Variants in DAB1 observed in about 807,000 individuals in gnomAD.
DAB1 encodes DAB adaptor protein 1.
DAB1 carries 15 observed loss-of-function variants against 64.6 expected under a neutral mutation model. That is an observed-to-expected ratio of 0.23 (90% CI 0.16 to 0.36). DAB1 has a LOEUF of 0.36. DAB1 is among the 10% of genes least tolerant of loss of function. DAB1 has a pLI of 1.00. For missense variants in DAB1, 596 were observed against 706.7 expected (o/e 0.84, Z 1.78); for synonymous variants, 235 against 251.9 (o/e 0.93, Z 0.64).
chr1:57,577,752 C>T (rs1336001048), intron 7 of DAB1, among the ~76,000 whole-genome samples: 1 of 152,178 alleles, frequency 6.6e-6, no homozygotes, highest in Non-Finnish European at 1.5e-5. Context: ...TGAGGGCAGA[C>T]TCTGGATTGT....
At chr1:58,297,325 T>A (rs894533893) in intron 4 of DAB1, among the ~76,000 whole-genome samples, 1 of 152,184 alleles carries the variant, frequency 6.6e-6, no homozygotes, top group African/African-American at 2.4e-5. Flanking sequence ...GATAGGTTGC[T>A]TCAAATTCAA....
intron 2 of DAB1, among the ~76,000 whole-genome samples, chr1:57,211,296 G>C (rs1427419292): frequency 1.3e-5 from 2 of 152,172 alleles, no homozygotes; most frequent in Non-Finnish European, 2.9e-5. Context: ...GCGGTCTGGT[G>C]GGACCCCAAG....
At chr1:58,290,173 G>T (rs1047297608) in intron 4 of DAB1, among the ~76,000 whole-genome samples, 7 of 152,154 alleles carry the variant, frequency 4.6e-5, no homozygotes, top group Admixed American at 2.6e-4. Flanking sequence ...ATCATGTACT[G>T]GGTGTCTTGA....
chr1:58,173,041 A>G (rs192162681), intron 4 of DAB1, among the ~76,000 whole-genome samples: 23 of 152,298 alleles, frequency 1.5e-4, no homozygotes, highest in African/African-American at 4.6e-4. Context: ...TGAAGGAGAA[A>G]AGGCAGAAGG....
chr1:57,400,247 T>G (rs3850553), intron 1 of DAB1, among the ~76,000 whole-genome samples: 16,545 of 152,074 alleles, frequency 0.11, 983 homozygotes, highest in Admixed American at 0.13. Flanking sequence ...ATTGCAGCAT[T>G]GATTTTTCAG....
intron 1 of DAB1, among the ~76,000 whole-genome samples, chr1:58,546,404 G>A (rs903799732): frequency 6.2e-4 from 95 of 152,160 alleles, no homozygotes; most frequent in African/African-American, 2.2e-3. Context: ...GTACTGCCAC[G>A]GGGCAGACAC....
At chr1:57,577,025 T>C (rs1349976107) in intron 7 of DAB1, among the ~76,000 whole-genome samples, 3 of 152,206 alleles carry the variant, frequency 2.0e-5, no homozygotes, top group Non-Finnish European at 4.4e-5. Flanking sequence ...AGCTAGCACC[T>C]TCCGTGCAGG....
Position 58,500,579 on chromosome 1 carries a change from G to C in DAB1, n.257+5481C>G, listed in dbSNP as rs576809842. On this transcript the variant is annotated intron_variant and non_coding_transcript_variant, in intron 3 of 20. Transcript: ENST00000485760. ...TGATTCTGATATCTAAAAATTGAAT[G>C]AAGTGAATTTGATAAAGATTTTTTT... 6.6e-5 allele frequency among the ~76,000 whole-genome samples: 10 copies of C among 152,292 alleles called. No homozygotes were observed. The East Asian group carries it at 1.9e-3, about 29-fold the overall frequency.
At chr1:57,239,690 T>C (rs1668364765) in intron 2 of DAB1, among the ~76,000 whole-genome samples, 2 of 152,218 alleles carry the variant, frequency 1.3e-5, no homozygotes, top group African/African-American at 4.8e-5. Flanking sequence ...TTTATTTTTC[T>C]TTTTATTTAC....
chr1:57,417,378 G>A (rs946028338), intron 1 of DAB1, among the ~76,000 whole-genome samples: 58 of 152,064 alleles, frequency 3.8e-4, no homozygotes, highest in African/African-American at 1.4e-3. Flanking sequence ...GCATAAATGG[G>A]TTAAATATTC....
At chr1:57,202,681 C>T (rs1374532440) in intron 2 of DAB1, among the ~76,000 whole-genome samples, 1 of 152,172 alleles carries the variant, frequency 6.6e-6, no homozygotes, top group African/African-American at 2.4e-5. Context: ...AAAGCATTTT[C>T]ACATCCATCC....
intron 1 of DAB1, among the ~76,000 whole-genome samples, chr1:57,360,474 C>A (rs1336661548): frequency 6.6e-6 from 1 of 152,080 alleles, no homozygotes; most frequent in African/African-American, 2.4e-5. Context: ...GAGGGCAAGT[C>A]ATTTCATGTT....
chr1:57,365,122 G>A (rs1374200552), intron 1 of DAB1, among the ~76,000 whole-genome samples: 2 of 141,702 alleles, frequency 1.4e-5, no homozygotes, highest in African/African-American at 5.1e-5. Context: ...TGTATATATA[G>A]AATATATATA....
chr1:57,657,986 G>A (rs983906637), intron 6 of DAB1, among the ~76,000 whole-genome samples: 1 of 152,080 alleles, frequency 6.6e-6, no homozygotes, highest in Non-Finnish European at 1.5e-5. Context: ...TTCAACAAAT[G>A]TTTACTGAGC....
intron 5 of DAB1, among the ~76,000 whole-genome samples, chr1:58,005,945 A>G (rs1646576289): frequency 6.6e-6 from 1 of 152,200 alleles, no homozygotes; most frequent in Admixed American, 6.5e-5. Context: ...CCGCCCAAGG[A>G]CATACAATAA....
chr1:57,826,171 C>T (rs1652341174), exon 2 of DAB1: 1 of 152,208 alleles, frequency 6.6e-6, no homozygotes, highest in African/African-American at 2.4e-5. Flanking sequence ...TGCCAATAAA[C>T]AGTTTCATGC....
chr1:57,427,578 AG>A (rs34170485), upstream of DAB1, among the ~76,000 whole-genome samples: 27,444 of 152,110 alleles, frequency 0.18, 2,788 homozygotes, highest in East Asian at 0.4. Flanking sequence ...AGGGAAGCAA[AG>A]AAGCCCATTT....
chr1:58,142,819 G>A (rs1393020688), intron 5 of DAB1, among the ~76,000 whole-genome samples: 1 of 152,168 alleles, frequency 6.6e-6, no homozygotes, highest in Admixed American at 6.5e-5. Flanking sequence ...CCTTCTCTCT[G>A]CAGCCAGAGC....
intron 4 of DAB1, among the ~76,000 whole-genome samples, chr1:58,225,728 C>G (rs2100336754): frequency 6.8e-6 from 1 of 147,442 alleles, no homozygotes; most frequent in Non-Finnish European, 1.5e-5. Flanking sequence ...AACCAAACAC[C>G]CATGTTCTCA....
Sources: allele counts gnomAD v4.1 joint callset (sites outside exome capture counted in the v4.1 genomes callset), GRCh38; gene constraint gnomAD v4.1.1; transcripts MANE v1.5; gene names NCBI Gene and HGNC (gene_info 2026-07-23, HGNC 2026-07-21).